Variants in RB1CC1 observed in about 807,000 individuals in gnomAD.
The protein encoded by RB1CC1 is RB1-inducible coiled-coil protein 1.
RB1CC1 carries 46 observed loss-of-function variants against 177.5 expected under a neutral mutation model. The observed-to-expected ratio is 0.26, with a 90% CI of 0.20 to 0.33. RB1CC1 has a LOEUF of 0.33. Ranked by LOEUF, RB1CC1 falls within the 10% of genes least tolerant of loss-of-function variation. RB1CC1 has a pLI of 1.00. For synonymous variants in RB1CC1, 666 were observed against 613.6 expected (o/e 1.09, Z -1.26); for missense variants, 1,703 against 1,816.3 (o/e 0.94, Z 1.13).
chr8:52,671,418 G>C (rs1032289748), intron 7 of RB1CC1, among the ~76,000 whole-genome samples: 4 of 152,154 alleles, frequency 2.6e-5, no homozygotes, highest in African/African-American at 9.7e-5. Flanking sequence ...TCAGATATCA[G>C]GTAGGTTAGT....
chr8:52,657,115 ACCT>A lies in RB1CC1; in HGVS notation c.2711_2713del (p.Glu904del), dbSNP rs1188798154. The A allele has an allele frequency of 1.2e-6, 2 of 1,609,974 alleles. No individual in the cohort carries two copies. Among genetic ancestry groups the A allele is most frequent in the Non-Finnish European group, 1.7e-6 (2 of 1,178,666 alleles). On this transcript the variant is annotated inframe_deletion, in exon 15 of 24. Coordinates refer to ENST00000025008, the MANE Select transcript of RB1CC1 (RefSeq NM_014781.5). ...AAATTCATTATCTTTATTTTGTAAA[ACCT>A]CCTCAAGGCATACTAACTCTCCCTT...
chr8:52,694,630 T>A (rs1242698302), intron 1 of RB1CC1, among the ~76,000 whole-genome samples: 1 of 152,138 alleles, frequency 6.6e-6, no homozygotes, highest in East Asian at 1.9e-4. Context: ...GCCACTTCAG[T>A]GAGAGCTGCA....
intron 15 of RB1CC1, among the ~76,000 whole-genome samples, chr8:52,647,189 AAT>A (rs1850125636): frequency 6.6e-6 from 1 of 152,168 alleles, no homozygotes; most frequent in East Asian, 1.9e-4. Context: ...ATAAAAATCT[AAT>A]AACTTAAACT....
At chr8:52,706,955 C>A (rs1331747526) in intron 1 of RB1CC1, among the ~76,000 whole-genome samples, 4 of 152,064 alleles carry the variant, frequency 2.6e-5, no homozygotes, top group Non-Finnish European at 5.9e-5. Flanking sequence ...AGTCACCACG[C>A]CCCAATTGTT....
At chr8:52,623,969 A>C in intron 23 of RB1CC1, 110 bp from the exon 24 acceptor site, 2 of 712,508 alleles carry the variant, frequency 2.8e-6, no homozygotes, top group Non-Finnish European at 4.8e-6. Context: ...AAATAAATAA[A>C]CCACATCACA....
intron 7 of RB1CC1, among the ~76,000 whole-genome samples, chr8:52,668,503 C>G (rs779078134): frequency 7.9e-5 from 12 of 152,304 alleles, no homozygotes; most frequent in Middle Eastern, 3.4e-3. Flanking sequence ...AGCATAATAT[C>G]ATTAATTCTC....
At chr8:52,707,808 A>G (rs149020952) in intron 1 of RB1CC1, among the ~76,000 whole-genome samples, 2 of 152,266 alleles carry the variant, frequency 1.3e-5, no homozygotes, top group East Asian at 1.9e-4. Flanking sequence ...CACCCCTCTT[A>G]GCATGTGAAT....
intron 1 of RB1CC1, among the ~76,000 whole-genome samples, chr8:52,699,858 T>C (rs76819043): frequency 0.44 from 45,240 of 102,722 alleles, 9,974 homozygotes; most frequent in East Asian, 0.56. Context: ...TATATATATA[T>C]ACACACAAAA....
intron 18 of RB1CC1, among the ~76,000 whole-genome samples, chr8:52,640,971 T>A (rs1015043454): frequency 6.6e-6 from 1 of 152,134 alleles, no homozygotes; most frequent in Non-Finnish European, 1.5e-5. Context: ...AGGCAGATAA[T>A]GGGCTTATAT....
At chr8:52,682,240 A>G (rs1208710696) in intron 5 of RB1CC1, among the ~76,000 whole-genome samples, 1 of 152,160 alleles carries the variant, frequency 6.6e-6, no homozygotes, top group African/African-American at 2.4e-5. Context: ...GCCATGCTGG[A>G]TTTCGAACTT....
At chr8:52,708,562 A>G (rs935478420) in intron 1 of RB1CC1, among the ~76,000 whole-genome samples, 1 of 152,058 alleles carries the variant, frequency 6.6e-6, no homozygotes, top group Admixed American at 6.5e-5. Context: ...GTATTGTCCT[A>G]TTACCACTTC....
rs1399861551 is a variant in RB1CC1 at position 52,656,166 on chromosome 8, G to A, written c.3663C>T (p.Ser1221=). The A allele has an allele frequency of 2.5e-6, 4 of 1,613,740 alleles. No homozygotes were observed. Among genetic ancestry groups the A allele is most frequent in the East Asian group, 2.2e-5 (1 of 44,824 alleles). ...NLEKDRQKLV[S]SQEQDREQLI... is the part of the protein sequence containing the mutation. Reference sequence around the variant, plus strand: ...ACTGTTCTCTGTCTTGCTCCTGGCTGCTGACCAATTTTTGTCTGTCTTTCT... The same window carrying A: ...ACTGTTCTCTGTCTTGCTCCTGGCTACTGACCAATTTTTGTCTGTCTTTCT... The change falls in exon 15 of 24, where the codon AGC becomes AGT. Residue 1221 remains serine (S), a synonymous_variant. Coordinates refer to ENST00000025008, the MANE Select transcript of RB1CC1 (RefSeq NM_014781.5).
intron 1 of RB1CC1, among the ~76,000 whole-genome samples, chr8:52,705,503 A>C (rs1333661160): frequency 2.0e-5 from 3 of 152,228 alleles, no homozygotes; most frequent in African/African-American, 7.2e-5. Context: ...ACAAAAATAT[A>C]AACTGGTATA....
intron 1 of RB1CC1, among the ~76,000 whole-genome samples, chr8:52,694,320 C>T (rs1368672492): frequency 6.6e-6 from 1 of 152,186 alleles, no homozygotes; most frequent in Non-Finnish European, 1.5e-5. Flanking sequence ...GATCTGCTCT[C>T]AAAGCAGAAA....
chr8:52,655,226 A>G (rs1157333734), intron 15 of RB1CC1, among the ~76,000 whole-genome samples: 1 of 152,202 alleles, frequency 6.6e-6, no homozygotes, highest in Non-Finnish European at 1.5e-5. Flanking sequence ...AGTATTATAG[A>G]GCAGACAATC....
Position 52,685,538 on chromosome 8 carries a change from A to G in RB1CC1, c.-51-18T>C. 2.1e-6 allele frequency: 2 copies of G among 970,996 alleles called. No homozygotes were observed. The highest frequency in any genetic ancestry group is 3.2e-4 in the Middle Eastern group (1 of 3,124). The allele number at this position is 970,996 out of a possible 1,614,324, so 60.1% of individuals were successfully genotyped here. On this transcript the variant is annotated intron_variant, in intron 2 of 23. Coordinates refer to ENST00000025008, the MANE Select transcript of RB1CC1 (RefSeq NM_014781.5). ...TACAGTTACTAGAAGAAACAAGAGA[A>G]GTGATCAATTTTACAAATGCAACTA...
At chr8:52,651,037 A>G (rs1302620808) in intron 15 of RB1CC1, among the ~76,000 whole-genome samples, 1 of 152,246 alleles carries the variant, frequency 6.6e-6, no homozygotes, top group African/African-American at 2.4e-5. Flanking sequence ...AAAATCTAAC[A>G]AAGAAGGAAT....
intron 1 of RB1CC1, among the ~76,000 whole-genome samples, chr8:52,698,132 T>C (rs990749479): frequency 6.6e-6 from 1 of 152,052 alleles, no homozygotes; most frequent in African/African-American, 2.4e-5. Context: ...TAGAGTATAG[T>C]GGCGGGATCA....
At chr8:52,708,679 T>G (rs1030715688) in intron 1 of RB1CC1, among the ~76,000 whole-genome samples, 3 of 152,124 alleles carry the variant, frequency 2.0e-5, no homozygotes, top group Admixed American at 2.0e-4. Context: ...TTCTCTTATC[T>G]GGGGGGAAAA....
Sources: allele counts gnomAD v4.1 joint callset (sites outside exome capture counted in the v4.1 genomes callset), GRCh38; gene constraint gnomAD v4.1.1; transcripts MANE v1.5; gene names NCBI Gene and HGNC (gene_info 2026-07-23, HGNC 2026-07-21).